NCK2: variants seen among roughly 807,000 people sequenced by gnomAD.
NCK2 encodes cytoplasmic protein NCK2.
Under a neutral mutation model 33.9 loss-of-function variants are expected in NCK2, and 16 were observed. The ratio of observed to expected loss-of-function variants is 0.47; its 90% CI spans 0.32 to 0.72. The LOEUF is 0.72. Among genes scored for constraint, NCK2 ranks in the 30% least tolerant of loss-of-function variants. The pLI, the probability that NCK2 is intolerant of heterozygous loss-of-function variation, is 0.03. For missense variants in NCK2, 418 were observed against 537.3 expected (o/e 0.78, Z 2.19); for synonymous variants, 273 against 239.9 (o/e 1.14, Z -1.27).
chr2:105,794,460 T>C (rs1413162050), intron 1 of NCK2, among the ~76,000 whole-genome samples: 1 of 152,130 alleles, frequency 6.6e-6, no homozygotes, highest in African/African-American at 2.4e-5. Context: ...ACAATATATA[T>C]AAATGTTTAA....
rs551198823 is a variant in NCK2 at position 105,859,371 on chromosome 2, C to G, written c.226+4082C>G. 2.0e-5 allele frequency among the ~76,000 whole-genome samples: 3 copies of G among 152,248 alleles called. No homozygotes were observed. The South Asian group carries it at 6.2e-4, about 32-fold the overall frequency. On this transcript the variant is annotated intron_variant, in intron 3 of 4. Transcript: ENST00000233154. ...GGGTTTGTTCACAGGCCCACCTGCC[C>G]GTGGCTCACCCTGCCACCCTACCTA...
chr2:105,765,175 T>C (rs1446401888), intron 1 of NCK2, among the ~76,000 whole-genome samples: 1 of 152,238 alleles, frequency 6.6e-6, no homozygotes. Flanking sequence ...ACCCAAATAA[T>C]ACTGCTTTTG....
chr2:105,760,607 T>A (rs961056479), intron 1 of NCK2, among the ~76,000 whole-genome samples: 3 of 152,234 alleles, frequency 2.0e-5, no homozygotes, highest in South Asian at 2.1e-4. Context: ...CATCTGAGGC[T>A]CCCTTTGTAT....
At chr2:105,869,699 G>A (rs1373931034) in intron 3 of NCK2, among the ~76,000 whole-genome samples, 1 of 152,188 alleles carries the variant, frequency 6.6e-6, no homozygotes, top group African/African-American at 2.4e-5. Context: ...CAGTGCTCCA[G>A]AATGCCGTGT....
At chr2:105,767,161 T>C (rs567164539) in intron 1 of NCK2, among the ~76,000 whole-genome samples, 39 of 152,356 alleles carry the variant, frequency 2.6e-4, no homozygotes, top group African/African-American at 9.4e-4. Context: ...CGTCTGTGTT[T>C]ATCTCATAGA....
chr2:105,820,703 T>G (rs1381754541), intron 2 of NCK2, among the ~76,000 whole-genome samples: 1 of 152,194 alleles, frequency 6.6e-6, no homozygotes, highest in Non-Finnish European at 1.5e-5. Flanking sequence ...TAATTGATTG[T>G]TGGAGGCTGG....
rs539885184 is a variant in NCK2, at chr2:105,792,051, G to A, written c.-200-24379G>A. 2.0e-3 allele frequency among the ~76,000 whole-genome samples: 300 copies of A among 152,254 alleles called. 2 individuals carry two copies. The highest frequency in any genetic ancestry group is 6.7e-3 in the African/African-American group (278 of 41,558). ...TGTTGTGGGCTCTGCACAGAGCCGT[G>A]GGAACGCTTCCCCAGTCCTGCCTTG... On this transcript the variant is annotated intron_variant, in intron 1 of 4. Transcript: ENST00000233154.
rs141984711 is a variant in NCK2 at position 105,881,944 on chromosome 2, G to A, written c.843G>A (p.Ala281=). 13 of 1,559,328 alleles carry A rather than the reference G, an allele frequency of 8.3e-6. No homozygotes were observed. The highest frequency in any genetic ancestry group is 1.4e-5 in the African/African-American group (1 of 73,338). ...GGCCCTCGTCCAGCGGGCGCTTCGC[G>A]GGCAGAGAGTGGTACTACGGGAACG... ...YTGPSSSGRF[A]GREWYYGNVT... is the part of the protein sequence containing the mutation. Residue 281 remains alanine, a synonymous_variant, in exon 4 of 5, where the codon GCG becomes GCA. Transcript: ENST00000233154.
chr2:105,763,605 A>C (rs376130161), intron 1 of NCK2, among the ~76,000 whole-genome samples: 168 of 150,798 alleles, frequency 1.1e-3, no homozygotes, highest in African/African-American at 3.9e-3. Flanking sequence ...GGGATCTGTG[A>C]TTATTTACTG....
At chr2:105,788,652 A>G (rs1459312687) in intron 1 of NCK2, among the ~76,000 whole-genome samples, 1 of 152,194 alleles carries the variant, frequency 6.6e-6, no homozygotes, top group Non-Finnish European at 1.5e-5. Flanking sequence ...GAACTTCCTC[A>G]TCTCTAAGTG....
At chr2:105,746,546 T>C (rs1689293647) in intron 1 of NCK2, among the ~76,000 whole-genome samples, 1 of 152,234 alleles carries the variant, frequency 6.6e-6, no homozygotes, top group African/African-American at 2.4e-5. Context: ...CAATTCACTT[T>C]GCAAGCTTCA....
At chr2:105,784,780 G>A (rs1156304149) in intron 1 of NCK2, among the ~76,000 whole-genome samples, 5 of 152,142 alleles carry the variant, frequency 3.3e-5, no homozygotes, top group South Asian at 2.1e-4. Flanking sequence ...TTCCAGGCCC[G>A]TGTTTCCCAC....
chr2:105,781,494 A>G (rs1274932262), intron 1 of NCK2, among the ~76,000 whole-genome samples: 4 of 152,144 alleles, frequency 2.6e-5, no homozygotes, highest in African/African-American at 7.2e-5. Context: ...GTTTCGTAAT[A>G]TTTCTGCACT....
At chr2:105,836,739 T>C (rs1051927977) in intron 2 of NCK2, among the ~76,000 whole-genome samples, 1 of 152,114 alleles carries the variant, frequency 6.6e-6, no homozygotes, top group African/African-American at 2.4e-5. Context: ...ACTGCAGCTC[T>C]TTGGGTGGAT....
intron 2 of NCK2, among the ~76,000 whole-genome samples, chr2:105,829,579 A>G (rs1185722153): frequency 1.3e-5 from 2 of 152,106 alleles, no homozygotes; most frequent in African/African-American, 4.8e-5. Flanking sequence ...GTTGACCTTG[A>G]CAGTTTTGAG....
At chr2:105,857,805 A>G (rs1221416946) in intron 3 of NCK2, among the ~76,000 whole-genome samples, 1 of 152,104 alleles carries the variant, frequency 6.6e-6, no homozygotes, top group African/African-American at 2.4e-5. Flanking sequence ...TTGTTGGACA[A>G]AGGGATGTTG....
intron 1 of NCK2, among the ~76,000 whole-genome samples, chr2:105,745,397 G>A (rs2104312835): frequency 6.6e-6 from 1 of 151,946 alleles, no homozygotes; most frequent in South Asian, 2.1e-4. Context: ...GCCGGCCCAG[G>A]GGCGGGGACG....
intron 1 of NCK2, among the ~76,000 whole-genome samples, chr2:105,807,191 G>A (rs1675078025): frequency 6.6e-6 from 1 of 152,206 alleles, no homozygotes; most frequent in Non-Finnish European, 1.5e-5. Flanking sequence ...GCCCTGACCG[G>A]AACAGCTCAC....
At chr2:105,806,445 C>T (rs1260057385) in intron 1 of NCK2, among the ~76,000 whole-genome samples, 1 of 151,972 alleles carries the variant, frequency 6.6e-6, no homozygotes, top group Non-Finnish European at 1.5e-5. Context: ...CACCGTGTTA[C>T]CCAGGATGGT....
Sources: allele counts gnomAD v4.1 joint callset (sites outside exome capture counted in the v4.1 genomes callset), GRCh38; gene constraint gnomAD v4.1.1; transcripts MANE v1.5; gene names NCBI Gene and HGNC (gene_info 2026-07-23, HGNC 2026-07-21).